Variants in CIB4 observed in about 807,000 individuals in gnomAD.
CIB4 encodes calcium and integrin-binding family member 4.
Under a neutral mutation model 25.8 loss-of-function variants are expected in CIB4, and 25 were observed. That is an observed-to-expected ratio of 0.97 (90% CI 0.71 to 1.35). The LOEUF (loss-of-function observed/expected upper bound fraction) is 1.35, where lower values mean the gene tolerates loss of function less well. CIB4 is among the 40% of genes most tolerant of loss of function. The pLI is 0.00. For missense variants in CIB4, 235 were observed against 228.2 expected (o/e 1.03, Z -0.19); for synonymous variants, 75 against 81.4 (o/e 0.92, Z 0.42).
intron 3 of CIB4, among the ~76,000 whole-genome samples, chr2:26,616,323 T>A (rs1224138571): frequency 6.6e-6 from 1 of 152,152 alleles, no homozygotes; most frequent in Admixed American, 6.5e-5. Context: ...GGTCGCCAAC[T>A]CCTAGGGTGC....
chr2:26,589,108 CTCTTCTTCTTCTTCTTCT>C (rs1187640015), intron 4 of CIB4, among the ~76,000 whole-genome samples: 7 of 67,770 alleles, frequency 1.0e-4, no homozygotes, highest in African/African-American at 2.7e-4. Flanking sequence ...CTTCTTCTTC[CTCTTCTTCTTCTTCTTCT>C]TCTTCTTCTT....
intron 3 of CIB4, among the ~76,000 whole-genome samples, chr2:26,624,048 G>T (rs1669254824): frequency 6.6e-6 from 1 of 152,194 alleles, no homozygotes; most frequent in South Asian, 2.1e-4. Flanking sequence ...GGGACATTTT[G>T]GTCAGCAGGC....
intron 3 of CIB4, among the ~76,000 whole-genome samples, chr2:26,625,193 A>G (rs1286278618): frequency 6.6e-6 from 1 of 152,068 alleles, no homozygotes; most frequent in Non-Finnish European, 1.5e-5. Flanking sequence ...AGACCGAAGG[A>G]TGCTAGAACA....
intron 3 of CIB4, among the ~76,000 whole-genome samples, chr2:26,611,310 G>C (rs1360190538): frequency 2.0e-5 from 3 of 152,238 alleles, no homozygotes; most frequent in Admixed American, 2.0e-4. Flanking sequence ...GTCCGTGGGA[G>C]GATGGAGAGA....
chr2:26,621,525 C>T (rs1244006068), intron 3 of CIB4, among the ~76,000 whole-genome samples: 3 of 152,006 alleles, frequency 2.0e-5, no homozygotes, highest in Non-Finnish European at 4.4e-5. Context: ...CATAGTGGGA[C>T]CCTATCTCTA....
At chr2:26,638,654 C>G (rs547952354) in intron 2 of CIB4, among the ~76,000 whole-genome samples, 1 of 152,132 alleles carries the variant, frequency 6.6e-6, no homozygotes, top group Non-Finnish European at 1.5e-5. Flanking sequence ...TCTCACCCAT[C>G]GAAGTTCTAA....
chr2:26,583,269 C>T (rs1668387063), intron 5 of CIB4, among the ~76,000 whole-genome samples: 1 of 152,202 alleles, frequency 6.6e-6, no homozygotes, highest in Non-Finnish European at 1.5e-5. Flanking sequence ...GTTTTATCTT[C>T]TAGTCCCCAT....
At chr2:26,589,081 T>TTCTTCTTCC (rs1668526506) in intron 4 of CIB4, among the ~76,000 whole-genome samples, 2 of 84,104 alleles carry the variant, frequency 2.4e-5, no homozygotes, top group Non-Finnish European at 4.3e-5. Flanking sequence ...CCTCTTCTTC[T>TTCTTCTTCC]TCTTCTTCTT....
At chr2:26,620,444 G>T (rs1558569328) in intron 3 of CIB4, among the ~76,000 whole-genome samples, 1 of 152,228 alleles carries the variant, frequency 6.6e-6, no homozygotes, top group Non-Finnish European at 1.5e-5. Flanking sequence ...AAAGACGGGA[G>T]TTTGTTCTCT....
intron 3 of CIB4, among the ~76,000 whole-genome samples, chr2:26,602,174 T>C (rs1250926360): frequency 1.3e-5 from 2 of 152,226 alleles, no homozygotes; most frequent in Non-Finnish European, 2.9e-5. Flanking sequence ...ATACAGGTCA[T>C]GGCAAATGAA....
At chr2:26,612,907 G>A (rs1211844798) in intron 3 of CIB4, among the ~76,000 whole-genome samples, 1 of 151,590 alleles carries the variant, frequency 6.6e-6, no homozygotes, top group African/African-American at 2.4e-5. Flanking sequence ...CCATCTCTGG[G>A]TTTTCTGCCA....
At chr2:26,636,272 T>C (rs1023375926) in intron 2 of CIB4, among the ~76,000 whole-genome samples, 5 of 152,262 alleles carry the variant, frequency 3.3e-5, no homozygotes, top group Non-Finnish European at 5.9e-5. Context: ...TTGCTCAAGC[T>C]GAGTTCCCTA....
At chr2:26,584,595 C>A (rs1349446358) in intron 4 of CIB4, among the ~76,000 whole-genome samples, 1 of 152,224 alleles carries the variant, frequency 6.6e-6, no homozygotes, top group Non-Finnish European at 1.5e-5. Context: ...CCCCGTGCAT[C>A]CTCCTTCCTG....
intron 3 of CIB4, among the ~76,000 whole-genome samples, chr2:26,626,742 C>T (rs542991554): frequency 1.3e-5 from 2 of 152,254 alleles, no homozygotes; most frequent in African/African-American, 4.8e-5. Context: ...AGCATCCCAG[C>T]CCCGGCCTGT....
intron 3 of CIB4, among the ~76,000 whole-genome samples, chr2:26,598,664 G>A (rs1256726516): frequency 6.6e-6 from 1 of 152,178 alleles, no homozygotes; most frequent in Non-Finnish European, 1.5e-5. Context: ...AGGCCTGGCA[G>A]GCACCTGCCA....
chr2:26,620,601 T>C (rs1186986873), intron 3 of CIB4, among the ~76,000 whole-genome samples: 1 of 152,200 alleles, frequency 6.6e-6, no homozygotes, highest in East Asian at 1.9e-4. Context: ...GGCAGAATTT[T>C]ACTCTCCATT....
chr2:26,636,939 G>A (rs1168239887), intron 2 of CIB4, among the ~76,000 whole-genome samples: 1 of 152,158 alleles, frequency 6.6e-6, no homozygotes, highest in African/African-American at 2.4e-5. Context: ...ATGATGGCAT[G>A]ACTTAGTGTG....
intron 3 of CIB4, among the ~76,000 whole-genome samples, chr2:26,624,936 A>G (rs1384018938): frequency 1.3e-5 from 2 of 152,198 alleles, no homozygotes; most frequent in Admixed American, 6.5e-5. Flanking sequence ...TTTGTAACTC[A>G]AAGGATAAAT....
rs879474454 is a variant in CIB4, at chr2:26,588,978, T to TTTCTTCTTC, written c.329-5089_329-5081dup. On this transcript the variant is annotated intron_variant, in intron 4 of 6. Transcript: ENST00000288861. ...CTGCTGCCGCTGCTGCCGCTTCTTC[T>TTTCTTCTTC]TTCTTCTTCTTCTTCTTCTTCTTCT... 4.2e-3 allele frequency among the ~76,000 whole-genome samples: 291 copies of TTTCTTCTTC among 69,820 alleles called. 8 individuals carry two copies. The highest frequency in any genetic ancestry group is 4.7e-3 in the Non-Finnish European group (156 of 33,100). The allele number at this position is 69,820 out of a possible 152,430, so 45.8% of individuals were successfully genotyped here.
Sources: gnomAD v4.1 joint callset for allele counts (sites outside exome capture counted in the v4.1 genomes callset) on GRCh38, gnomAD v4.1.1 for gene constraint, MANE v1.5 for transcripts, NCBI Gene and HGNC (gene_info 2026-07-23, HGNC 2026-07-21) for gene names.